The following PRKCA variants were observed in gnomAD, a reference collection of about 807,000 sequenced individuals.
PRKCA encodes protein kinase C alpha.
A neutral mutation model predicts 87.0 loss-of-function variants in PRKCA; 27 were observed. The observed-to-expected ratio is 0.31, with a 90% CI of 0.23 to 0.43. PRKCA has a LOEUF of 0.43. PRKCA is among the 20% of genes least tolerant of loss of function. The pLI is 1.00. For synonymous variants in PRKCA, 329 were observed against 311.1 expected (o/e 1.06, Z -0.61); for missense variants, 518 against 852.3 (o/e 0.61, Z 4.88).
At position 66,490,276 on chromosome 17, in the gene PRKCA, G is replaced by A. The variant is rs186039093; in HGVS notation, c.206-5925G>A. On this transcript the variant is annotated intron_variant, in intron 2 of 16. Transcript: ENST00000413366. ...ATTTACCATTTTAACCATTTTAAAT[G>A]TACATGTCAGTGGCATTAAGTACCT... Among the ~76,000 whole-genome samples, 89 of 151,824 alleles carry A rather than the reference G, an allele frequency of 5.9e-4. No individual in the cohort carries two copies. The Middle Eastern group carries it at 0.017, about 30-fold the overall frequency.
At chr17:66,342,106 G>A (rs1907072773) in intron 2 of PRKCA, among the ~76,000 whole-genome samples, 1 of 152,168 alleles carries the variant, frequency 6.6e-6, no homozygotes, top group Non-Finnish European at 1.5e-5. Flanking sequence ...ACTTTTGAGG[G>A]AGTGTTGAAG....
intron 2 of PRKCA, among the ~76,000 whole-genome samples, chr17:66,336,938 G>T (rs930886978): frequency 6.6e-6 from 1 of 151,972 alleles, no homozygotes; most frequent in Non-Finnish European, 1.5e-5. Context: ...ACAGGCGCCC[G>T]CCACCACGTC....
intron 2 of PRKCA, among the ~76,000 whole-genome samples, chr17:66,406,585 G>GTTTTTTTT (rs71160568): frequency 0.1 from 7,118 of 69,812 alleles, 1,261 homozygotes; most frequent in East Asian, 0.22. Flanking sequence ...GCTTTTCCAG[G>GTTTTTTTT]TTTTTTTTTT....
intron 2 of PRKCA, among the ~76,000 whole-genome samples, chr17:66,406,572 G>A (rs1054976589): frequency 3.8e-5 from 2 of 52,634 alleles, no homozygotes; most frequent in Non-Finnish European, 9.6e-5. Context: ...ATGTAGCATT[G>A]TAGCTTTTCC....
intron 2 of PRKCA, among the ~76,000 whole-genome samples, chr17:66,352,232 G>T (rs537901611): frequency 4.4e-4 from 67 of 152,202 alleles, no homozygotes; most frequent in Non-Finnish European, 8.2e-4. Context: ...CAAGCCATAG[G>T]GTCCGGACAG....
At chr17:66,768,829 G>A (rs1974867591) in intron 13 of PRKCA, among the ~76,000 whole-genome samples, 1 of 152,200 alleles carries the variant, frequency 6.6e-6, no homozygotes, top group Admixed American at 6.5e-5. Context: ...TTTGGGTGGG[G>A]ACACGATATG....
Position 66,406,545 on chromosome 17 carries a change from G to A in PRKCA, c.206-89656G>A, listed in dbSNP as rs139506372. Among the ~76,000 whole-genome samples, 27 of 132,124 alleles carry A rather than the reference G, an allele frequency of 2.0e-4. No individual in the cohort carries two copies. The East Asian group carries it at 5.6e-3, about 28-fold the overall frequency. The allele number at this position is 132,124 out of a possible 152,430, so 86.7% of individuals were successfully genotyped here. ...AAGAGTCTATGGCAGGGCAGAAAAC[G>A]CTGCCCAGGCAGCTTCATGTAGCAT... On this transcript the variant is annotated intron_variant, in intron 2 of 16. Coordinates refer to ENST00000413366, the MANE Select transcript of PRKCA (RefSeq NM_002737.3).
intron 3 of PRKCA, among the ~76,000 whole-genome samples, chr17:66,566,265 C>CT (rs1181235473): frequency 6.6e-6 from 1 of 152,174 alleles, no homozygotes; most frequent in Non-Finnish European, 1.5e-5. Context: ...CAGATGGGCT[C>CT]TGTTGCCCAT....
At chr17:66,512,704 C>A (rs1463989325) in intron 3 of PRKCA, among the ~76,000 whole-genome samples, 1 of 151,912 alleles carries the variant, frequency 6.6e-6, no homozygotes, top group Non-Finnish European at 1.5e-5. Flanking sequence ...TAGATCATAC[C>A]CCCCTTGTTA....
At position 66,632,151 on chromosome 17, in the gene PRKCA, G is replaced by A. The variant is rs1365529078; in HGVS notation, c.289-9204G>A. Among the ~76,000 whole-genome samples, 4 of 152,082 alleles carry A rather than the reference G, an allele frequency of 2.6e-5. No homozygotes were observed. The South Asian group carries it at 6.2e-4, about 24-fold the overall frequency. ...CCCAATGGTGTCTCATGAAGCAGCC[G>A]GAATATAGCCAGTGTATTCAGCTGG... On this transcript the variant is annotated intron_variant, in intron 3 of 16. Coordinates refer to ENST00000413366, the MANE Select transcript of PRKCA (RefSeq NM_002737.3).
Position 66,641,474 on chromosome 17 carries a change from A to C in PRKCA, c.400+8A>C. 6.3e-7 allele frequency: 1 copy of C among 1,596,980 alleles called. No individual in the cohort carries two copies. Among genetic ancestry groups the C allele is most frequent in the Non-Finnish European group, 8.6e-7 (1 of 1,167,194 alleles). On this transcript the variant is annotated splice_region_variant and intron_variant, in intron 4 of 16. Transcript: ENST00000413366. ...AAGGGATGAAATGTGACAGTAAGTA[A>C]GTTTTCTTTTCCAGTTCATAGCGAG...
chr17:66,733,109 C>T (rs1973943890), intron 9 of PRKCA, among the ~76,000 whole-genome samples: 1 of 147,694 alleles, frequency 6.8e-6, no homozygotes, highest in Admixed American at 6.9e-5. Context: ...CGAGATCGCA[C>T]CACTGCACTC....
In PRKCA at chr17:66,734,791, G is replaced by A. The variant is rs9901059; in HGVS notation, c.1057-698G>A. ...TGCGACATTAGGGTCCATCTTAGTC[G>A]CTAAAGAGGCATTTATTTGGTCTCT... is the stretch of plus-strand genomic sequence containing the variant. On this transcript the variant is annotated intron_variant, in intron 9 of 16. Transcript: ENST00000413366. Among the ~76,000 whole-genome samples, 295 of 152,202 alleles carry A rather than the reference G, an allele frequency of 1.9e-3. 1 individual carries two copies. Among genetic ancestry groups the A allele is most frequent in the African/African-American group, 6.7e-3 (280 of 41,530 alleles).
chr17:66,785,929 G>T (rs891434248), intron 14 of PRKCA, among the ~76,000 whole-genome samples: 2 of 152,206 alleles, frequency 1.3e-5, no homozygotes, highest in East Asian at 1.9e-4. Flanking sequence ...CCCAGGTTCA[G>T]GCCATTCTCC....
intron 2 of PRKCA, among the ~76,000 whole-genome samples, chr17:66,397,837 C>T (rs1232881516): frequency 1.3e-5 from 2 of 152,140 alleles, no homozygotes; most frequent in East Asian, 1.9e-4. Context: ...GCACCACTGT[C>T]GTCCAACTCT....
chr17:66,664,554 C>G (rs1217485745), intron 5 of PRKCA, among the ~76,000 whole-genome samples: 1 of 151,358 alleles, frequency 6.6e-6, no homozygotes. Context: ...ATCTCTTAGC[C>G]TTGACATCAT....
chr17:66,550,005 A>T (rs1968276325), intron 3 of PRKCA, among the ~76,000 whole-genome samples: 1 of 152,130 alleles, frequency 6.6e-6, no homozygotes, highest in Non-Finnish European at 1.5e-5. Context: ...GTTTCTCTTT[A>T]GACTCTTAAG....
chr17:66,402,350 A>G (rs1758129771), intron 2 of PRKCA, among the ~76,000 whole-genome samples: 1 of 151,804 alleles, frequency 6.6e-6, no homozygotes, highest in Admixed American at 6.6e-5. Context: ...CAGTAGAGTG[A>G]CTATGGAGTA....
At chr17:66,381,142 A>G (rs1256016276) in intron 2 of PRKCA, among the ~76,000 whole-genome samples, 2 of 151,940 alleles carry the variant, frequency 1.3e-5, no homozygotes, top group Non-Finnish European at 2.9e-5. Context: ...GGGTCTCGCT[A>G]TGTTGGCTGG....
Sources: allele counts gnomAD v4.1 joint callset (sites outside exome capture counted in the v4.1 genomes callset), GRCh38; gene constraint gnomAD v4.1.1; transcripts MANE v1.5; gene names NCBI Gene and HGNC (gene_info 2026-07-23, HGNC 2026-07-21).